DSE: variants seen among roughly 807,000 people sequenced by gnomAD.
DSE encodes dermatan sulfate epimerase, also known as dermatan-sulfate epimerase.
DSE carries 36 observed loss-of-function variants against 84.4 expected under a neutral mutation model. The ratio of observed to expected loss-of-function variants is 0.43; its 90% CI spans 0.33 to 0.56. DSE has a LOEUF of 0.56. DSE is among the 20% of genes least tolerant of loss of function. DSE has a pLI of 0.06. For synonymous variants in DSE, 410 were observed against 430.1 expected, an observed-to-expected ratio of 0.95 and a Z score of 0.58; for missense variants, 862 against 1,169.6, an observed-to-expected ratio of 0.74 and a Z score of 3.84.
At chr6:116,404,828 C>CT (rs1190332146) in intron 2 of DSE, among the ~76,000 whole-genome samples, 2 of 152,134 alleles carry the variant, frequency 1.3e-5, no homozygotes, top group African/African-American at 4.8e-5. Flanking sequence ...TTAGTTCTCT[C>CT]TTTATAGTAT....
intron 2 of DSE, among the ~76,000 whole-genome samples, chr6:116,260,229 TA>T (rs1419859249): frequency 6.6e-6 from 1 of 152,252 alleles, no homozygotes; most frequent in Non-Finnish European, 1.5e-5. Context: ...ATTTCTCTAA[TA>T]ATCAGTGATG....
intron 1 of DSE, among the ~76,000 whole-genome samples, chr6:116,378,425 A>G (rs1172100184): frequency 1.3e-5 from 2 of 152,188 alleles, no homozygotes; most frequent in Non-Finnish European, 2.9e-5. Flanking sequence ...AATGTTTTAC[A>G]TAGAAGATGC....
chr6:116,324,101 C>A (rs1776482640), intron 2 of DSE, among the ~76,000 whole-genome samples: 1 of 152,196 alleles, frequency 6.6e-6, no homozygotes, highest in African/African-American at 2.4e-5. Context: ...CCCCCTCTTA[C>A]CCCTCACCCC....
intron 2 of DSE, chr6:116,277,530 G>A (rs1773203666): frequency 6.6e-6 from 1 of 152,260 alleles, no homozygotes; most frequent in Admixed American, 6.5e-5. Context: ...GGGAAGAAGG[G>A]GAGGGGCGTA....
chr6:116,307,038 A>G (rs1225958627), intron 2 of DSE, among the ~76,000 whole-genome samples: 2 of 152,236 alleles, frequency 1.3e-5, no homozygotes, highest in Non-Finnish European at 2.9e-5. Context: ...TCCTCTGTGT[A>G]TTCATACAAC....
chr6:116,346,744 A>C (rs549654585), intron 2 of DSE, among the ~76,000 whole-genome samples: 1 of 152,306 alleles, frequency 6.6e-6, no homozygotes, highest in East Asian at 1.9e-4. Context: ...ACTCCTATTC[A>C]AAATAGTGTT....
chr6:116,348,097 T>C (rs867586986), intron 2 of DSE, among the ~76,000 whole-genome samples: 8 of 152,074 alleles, frequency 5.3e-5, no homozygotes, highest in African/African-American at 1.7e-4. Context: ...CACAATGAGA[T>C]ACCATCTCAC....
intron 2 of DSE, among the ~76,000 whole-genome samples, chr6:116,423,530 C>G (rs1783230245): frequency 6.6e-6 from 1 of 152,210 alleles, no homozygotes; most frequent in South Asian, 2.1e-4. Context: ...ATTGGTGAAT[C>G]TGTGTACACA....
chr6:116,286,989 C>G (rs1773949838), intron 2 of DSE, among the ~76,000 whole-genome samples: 1 of 152,096 alleles, frequency 6.6e-6, no homozygotes, highest in South Asian at 2.1e-4. Flanking sequence ...ACTGCCTGAG[C>G]ATGTGTGTAT....
intron 2 of DSE, among the ~76,000 whole-genome samples, chr6:116,268,349 T>C (rs1295457880): frequency 1.3e-5 from 2 of 152,230 alleles, no homozygotes; most frequent in African/African-American, 4.8e-5. Context: ...GACTATACCA[T>C]AGAGCCTACA....
intron 2 of DSE, among the ~76,000 whole-genome samples, chr6:116,415,349 C>G (rs2115034317): frequency 6.6e-6 from 1 of 152,200 alleles, no homozygotes; most frequent in East Asian, 1.9e-4. Flanking sequence ...CCTGATATTC[C>G]ACTCTGAAGC....
intron 2 of DSE, among the ~76,000 whole-genome samples, chr6:116,405,984 A>G (rs1048258736): frequency 3.3e-5 from 5 of 152,242 alleles, no homozygotes; most frequent in African/African-American, 1.2e-4. Context: ...GGTGAAGATA[A>G]AGTTACTCTA....
chr6:116,259,839 C>A (rs1386959200), intron 2 of DSE, among the ~76,000 whole-genome samples: 1 of 152,178 alleles, frequency 6.6e-6, no homozygotes, highest in African/African-American at 2.4e-5. Flanking sequence ...TTTATGGCTG[C>A]ATAGTATTCT....
intron 2 of DSE, among the ~76,000 whole-genome samples, chr6:116,416,893 A>G (rs1782751861): frequency 6.6e-6 from 1 of 152,228 alleles, no homozygotes; most frequent in Non-Finnish European, 1.5e-5. Context: ...GTTGTAAAAC[A>G]TGTTAGGCAT....
rs888588710 is a variant in DSE at position 116,262,918 on chromosome 6, G to A, written c.-54+3951G>A. On this transcript the variant is annotated intron_variant, in intron 2 of 3. Coordinates refer to the DSE transcript ENST00000430252. The stretch of plus-strand genomic sequence containing the variant: ...TTATTCAATTTCCATGTAACTGTAT[G>A]GTTTTGAGTGAATTTCTTTGTCTTG... Among the ~76,000 whole-genome samples the A allele has an allele frequency of 7.2e-5, 11 of 152,172 alleles. No individual in the cohort carries two copies. In the South Asian group the frequency reaches 2.3e-3, roughly 32 times the overall value.
chr6:116,377,557 G>T (rs1780001323), intron 1 of DSE, among the ~76,000 whole-genome samples: 2 of 152,104 alleles, frequency 1.3e-5, no homozygotes, highest in Non-Finnish European at 2.9e-5. Context: ...ACTAGAAATG[G>T]ACACTTGTTT....
chr6:116,261,997 T>G lies in DSE; in HGVS notation c.-54+3030T>G, dbSNP rs555320008. 2.0e-5 allele frequency among the ~76,000 whole-genome samples: 3 copies of G among 152,304 alleles called. No homozygotes were observed. In the East Asian group the frequency reaches 5.8e-4, roughly 29 times the overall value. The stretch of plus-strand genomic sequence containing the variant: ...TGATGTGCGGCTGGATTTGGTTTGC[T>G]AGTAGTTTGTGGAGGACTTTTGCAT... On this transcript the variant is annotated intron_variant, in intron 2 of 3. Coordinates refer to the DSE transcript ENST00000430252.
chr6:116,336,080 C>G (rs1777235604), intron 2 of DSE, among the ~76,000 whole-genome samples: 1 of 152,178 alleles, frequency 6.6e-6, no homozygotes, highest in South Asian at 2.1e-4. Flanking sequence ...GTGAATGTCC[C>G]TGATGTCCAT....
intron 2 of DSE, among the ~76,000 whole-genome samples, chr6:116,349,423 C>G (rs1471248466): frequency 6.6e-6 from 1 of 152,188 alleles, no homozygotes; most frequent in Non-Finnish European, 1.5e-5. Context: ...CTTTTACTGA[C>G]CACTGGACCT....
Sources: gnomAD v4.1 joint callset for allele counts (sites outside exome capture counted in the v4.1 genomes callset) on GRCh38, gnomAD v4.1.1 for gene constraint, MANE v1.5 for transcripts, NCBI Gene and HGNC (gene_info 2026-07-23, HGNC 2026-07-21) for gene names.